The following KIF13B variants were observed in gnomAD, a reference collection of about 807,000 sequenced individuals.
The protein encoded by KIF13B is kinesin family member 13B.
Under a neutral mutation model 222.0 loss-of-function variants are expected in KIF13B, and 127 were observed. The observed-to-expected ratio is 0.57, with a 90% confidence interval of 0.50 to 0.66. The LOEUF is 0.66. KIF13B is among the 30% of genes least tolerant of loss of function. The pLI, the probability that KIF13B is intolerant of heterozygous loss-of-function variation, is 0.00. For synonymous variants in KIF13B, 976 were observed against 919.0 expected (o/e 1.06, Z -1.12); for missense variants, 2,173 against 2,379.0 (o/e 0.91, Z 1.80).
chr8:29,182,502 A>G (rs1247786223), intron 6 of KIF13B, among the ~76,000 whole-genome samples: 1 of 152,232 alleles, frequency 6.6e-6, no homozygotes, highest in Admixed American at 6.5e-5. Context: ...TCACATTGAC[A>G]GCCTAAGGGG....
chr8:29,207,461 G>A (rs1347494435), intron 2 of KIF13B, among the ~76,000 whole-genome samples: 3 of 152,092 alleles, frequency 2.0e-5, no homozygotes, highest in Non-Finnish European at 4.4e-5. Context: ...CTTTCCGGGT[G>A]CCTGACATCA....
At chr8:29,232,245 AGAGT>A (rs1815317867) in intron 2 of KIF13B, among the ~76,000 whole-genome samples, 1 of 151,890 alleles carries the variant, frequency 6.6e-6, no homozygotes, top group Admixed American at 6.6e-5. Context: ...CCTGGGCAAC[AGAGT>A]GAGACTCTGA....
intron 18 of KIF13B, among the ~76,000 whole-genome samples, chr8:29,143,278 GA>G (rs2129952342): frequency 6.6e-6 from 1 of 152,334 alleles, no homozygotes; most frequent in Non-Finnish European, 1.5e-5. Flanking sequence ...GGGAGAGAGG[GA>G]AAGTTTGCTG....
intron 10 of KIF13B, among the ~76,000 whole-genome samples, chr8:29,170,113 T>G (rs1812173697): frequency 6.6e-6 from 1 of 152,214 alleles, no homozygotes; most frequent in Non-Finnish European, 1.5e-5. Context: ...GAACTGGCAC[T>G]CATTCAAGGA....
intron 8 of KIF13B, 48 bp downstream of exon 8, chr8:29,180,056 C>A (rs781310563): frequency 2.7e-5 from 44 of 1,603,498 alleles, no homozygotes; most frequent in Non-Finnish European, 3.7e-5. Flanking sequence ...AATAAAACCA[C>A]AATCCACTTT....
At chr8:29,107,740 T>G (rs1483965315) in intron 35 of KIF13B, among the ~76,000 whole-genome samples, 1 of 152,036 alleles carries the variant, frequency 6.6e-6, no homozygotes, top group East Asian at 2.0e-4. Flanking sequence ...TTTTGTATTT[T>G]TAGTAGAGAC....
chr8:29,232,695 C>A (rs1437893027), intron 2 of KIF13B, among the ~76,000 whole-genome samples: 1 of 152,076 alleles, frequency 6.6e-6, no homozygotes, highest in African/African-American at 2.4e-5. Context: ...CCAACTTGTT[C>A]ACGGTAAGCA....
At chr8:29,168,422 C>T (rs1022773884) in intron 10 of KIF13B, among the ~76,000 whole-genome samples, 41 of 152,324 alleles carry the variant, frequency 2.7e-4, no homozygotes, top group Non-Finnish European at 1.2e-4. Context: ...CCTATGCAGG[C>T]GACCTCCTGG....
At chr8:29,237,226 C>T (rs1347857207) in intron 2 of KIF13B, among the ~76,000 whole-genome samples, 1 of 151,762 alleles carries the variant, frequency 6.6e-6, no homozygotes, top group Non-Finnish European at 1.5e-5. Context: ...TTCTATCCTA[C>T]AGATTGAGAC....
Position 29,071,228 on chromosome 8 carries a change from G to C in KIF13B, c.5218+392C>G, listed in dbSNP as rs575795870. Among the ~76,000 whole-genome samples, 2 of 152,304 alleles carry C rather than the reference G, an allele frequency of 1.3e-5. No homozygotes were observed. The highest frequency in any genetic ancestry group is 1.3e-4 in the Admixed American group (2 of 15,302). On this transcript the variant is annotated intron_variant, in intron 39 of 39. Coordinates refer to ENST00000524189, the MANE Select transcript of KIF13B (RefSeq NM_015254.4). The surrounding 1 kb of genome is among the most constrained non-coding windows in gnomAD (Gnocchi z 4.9). The stretch of plus-strand genomic sequence containing the variant: ...AAAACTGCCAAATGAGGGCGAGTCA[G>C]AGGCCAGCGAGATGTGTCCGGATGG...
In KIF13B at chr8:29,180,289, A is replaced by G. The variant is rs1337459421; in HGVS notation, c.586-51T>C. The G allele has an allele frequency of 7.6e-6, 12 of 1,572,538 alleles. No individual in the cohort carries two copies. In the East Asian group the frequency reaches 2.7e-4, roughly 35 times the overall value. On this transcript the variant is annotated intron_variant, in intron 7 of 39. Coordinates refer to ENST00000524189, the MANE Select transcript of KIF13B (RefSeq NM_015254.4). Reference sequence around the variant, plus strand: ...ACGTTTCATTACTTGTGTAATACACACTAAAATCCTGCTATACTACAAAAT... The same window carrying G: ...ACGTTTCATTACTTGTGTAATACACGCTAAAATCCTGCTATACTACAAAAT...
chr8:29,217,750 T>A (rs1048802037), intron 2 of KIF13B, among the ~76,000 whole-genome samples: 2 of 152,134 alleles, frequency 1.3e-5, no homozygotes, highest in African/African-American at 4.8e-5. Flanking sequence ...TAACAGCAGG[T>A]CCAGAAGACA....
At chr8:29,175,585 A>G (rs1812441559) in intron 10 of KIF13B, among the ~76,000 whole-genome samples, 1 of 152,254 alleles carries the variant, frequency 6.6e-6, no homozygotes, top group Non-Finnish European at 1.5e-5. Flanking sequence ...AACATCTTTA[A>G]GAAGCCAAAA....
At chr8:29,130,413 T>C (rs1810293154) in intron 24 of KIF13B, 120 bp downstream of exon 24, 1 of 1,046,728 alleles carries the variant, frequency 9.6e-7, no homozygotes, top group Non-Finnish European at 1.4e-6. Flanking sequence ...AGAATTTTAA[T>C]GTAAGAAATG....
chr8:29,131,471 A>G (rs778898756), intron 23 of KIF13B, among the ~76,000 whole-genome samples: 14 of 152,228 alleles, frequency 9.2e-5, no homozygotes, highest in Non-Finnish European at 2.1e-4. Flanking sequence ...AAAAATCTCA[A>G]ATGTCACTTT....
chr8:29,099,124 A>G lies in KIF13B; in HGVS notation c.4324+9T>C, dbSNP rs1467049261. On this transcript the variant is annotated intron_variant, in intron 36 of 39. Coordinates refer to ENST00000524189, the MANE Select transcript of KIF13B (RefSeq NM_015254.4). ...CTGACAGTAATTGACAAGTGAAAAG[A>G]TAACTTACCTGGATCTGGAGAATGG... 1 of 1,593,316 alleles carries G rather than the reference A, an allele frequency of 6.3e-7. No homozygotes were observed. The highest frequency in any genetic ancestry group is 8.6e-7 in the Non-Finnish European group (1 of 1,160,964).
chr8:29,212,110 T>C (rs1289627228), intron 2 of KIF13B, among the ~76,000 whole-genome samples: 1 of 152,220 alleles, frequency 6.6e-6, no homozygotes, highest in Non-Finnish European at 1.5e-5. Flanking sequence ...GTTTCTAGCG[T>C]GAAGCTATTA....
At chr8:29,205,946 T>C (rs1813913225) in intron 2 of KIF13B, among the ~76,000 whole-genome samples, 1 of 145,984 alleles carries the variant, frequency 6.9e-6, no homozygotes, top group African/African-American at 2.5e-5. Flanking sequence ...CAAAACTCAG[T>C]AGGGAATAGT....
At chr8:29,128,092 AATAC>A (rs1305502235) in intron 24 of KIF13B, among the ~76,000 whole-genome samples, 1 of 149,526 alleles carries the variant, frequency 6.7e-6, no homozygotes, top group Non-Finnish European at 1.5e-5. Context: ...ACTTGTATAT[AATAC>A]ATAAAATATA....
Sources: allele counts gnomAD v4.1 joint callset (sites outside exome capture counted in the v4.1 genomes callset), GRCh38; gene constraint gnomAD v4.1.1; non-coding constraint Gnocchi (gnomAD v3.1); transcripts MANE v1.5; gene names NCBI Gene and HGNC (gene_info 2026-07-23, HGNC 2026-07-21).